The following GRID2 variants were observed in gnomAD, a reference collection of about 807,000 sequenced individuals.
GRID2 encodes the protein glutamate ionotropic receptor delta type subunit 2.
Under a neutral mutation model 114.8 loss-of-function variants are expected in GRID2, and 33 were observed. That is an observed-to-expected ratio of 0.29 (90% CI 0.22 to 0.38). The LOEUF (loss-of-function observed/expected upper bound fraction) is 0.38, where lower values mean the gene tolerates loss of function less well. GRID2 is among the 10% of genes least tolerant of loss of function. The pLI, the probability that GRID2 is intolerant of heterozygous loss-of-function variation, is 1.00. For synonymous variants in GRID2, 505 were observed against 449.9 expected (o/e 1.12, Z -1.55); for missense variants, 1,184 against 1,257.7 (o/e 0.94, Z 0.89).
At chr4:92,937,873 G>A (rs1205887457) in intron 2 of GRID2, among the ~76,000 whole-genome samples, 1 of 146,564 alleles carries the variant, frequency 6.8e-6, no homozygotes, top group African/African-American at 2.4e-5. Context: ...AGAACTTTCA[G>A]TACCAATGTT....
intron 2 of GRID2, among the ~76,000 whole-genome samples, chr4:92,680,688 T>C (rs529652127): frequency 2.0e-5 from 3 of 152,260 alleles, no homozygotes; most frequent in African/African-American, 2.4e-5. Flanking sequence ...GCTGTAGTCA[T>C]GGAAGAATAC....
chr4:92,815,329 G>A (rs991079803), intron 2 of GRID2, among the ~76,000 whole-genome samples: 6 of 152,034 alleles, frequency 3.9e-5, no homozygotes, highest in African/African-American at 1.4e-4. Flanking sequence ...TGTATATAAA[G>A]TCAATATTTG....
At chr4:92,778,197 A>G (rs1184713817) in intron 2 of GRID2, among the ~76,000 whole-genome samples, 9 of 151,996 alleles carry the variant, frequency 5.9e-5, no homozygotes, top group Admixed American at 5.9e-4. Context: ...CAACACCTCA[A>G]AGAGAAATAC....
At chr4:93,337,130 T>C (rs892204359) in intron 8 of GRID2, among the ~76,000 whole-genome samples, 6 of 152,158 alleles carry the variant, frequency 3.9e-5, no homozygotes, top group Admixed American at 6.6e-5. Flanking sequence ...TAAATAAATA[T>C]AGGAAAGAGG....
At chr4:93,332,289 T>TGAGAGA (rs1242670317) in intron 8 of GRID2, among the ~76,000 whole-genome samples, 4 of 110,768 alleles carry the variant, frequency 3.6e-5, no homozygotes, top group South Asian at 3.2e-4. Flanking sequence ...TGTGTGTGTG[T>TGAGAGA]GTGTGTGTGT....
At chr4:92,775,553 C>T (rs529224089) in intron 2 of GRID2, among the ~76,000 whole-genome samples, 27 of 152,142 alleles carry the variant, frequency 1.8e-4, no homozygotes, top group Admixed American at 7.2e-4. Flanking sequence ...ATTTTTGTTC[C>T]TGTTAATTTT....
intron 14 of GRID2, among the ~76,000 whole-genome samples, chr4:93,747,779 T>A (rs935572382): frequency 6.6e-6 from 1 of 151,974 alleles, no homozygotes; most frequent in Non-Finnish European, 1.5e-5. Flanking sequence ...GAAAAATCAA[T>A]GTTGATTTGT....
chr4:92,997,841 A>G (rs1755295148), intron 2 of GRID2, among the ~76,000 whole-genome samples: 1 of 152,168 alleles, frequency 6.6e-6, no homozygotes. Context: ...GTTGAAAAAT[A>G]TCAGAAAATC....
Position 93,370,476 on chromosome 4 carries a change from GACACACACACACACGCAC to G in GRID2, c.1246-25118_1246-25101del, listed in dbSNP as rs555128772. Among the ~76,000 whole-genome samples the G allele has an allele frequency of 4.6e-3, 647 of 139,342 alleles. 4 individuals are homozygous for G. Among genetic ancestry groups the G allele is most frequent in the African/African-American group, 0.016 (618 of 38,526 alleles). The allele number at this position is 139,342 out of a possible 152,430, so 91.4% of individuals were successfully genotyped here. A position where few individuals can be genotyped will look rare whatever the true frequency, so the allele number is the denominator to read the frequency against. ...ACGCACACACAAACACGCACACAGA[GACACACACACACACGCAC>G]ACACACACACACGCACACACAGTTC... On this transcript the variant is annotated intron_variant, in intron 8 of 15. Transcript: ENST00000282020.
chr4:93,769,184 C>T (rs1698371058), intron 14 of GRID2, 26 bp from the exon 15 acceptor site: 3 of 1,611,400 alleles, frequency 1.9e-6, no homozygotes, highest in Non-Finnish European at 2.5e-6. Flanking sequence ...TCTGTAATAA[C>T]ACATGCTTAT....
Position 93,163,592 on chromosome 4 carries a change from A to G in GRID2, c.736-43812A>G, listed in dbSNP as rs1434937284. On this transcript the variant is annotated intron_variant, in intron 4 of 15. Coordinates refer to ENST00000282020, the MANE Select transcript of GRID2 (RefSeq NM_001510.4). Reference sequence around the variant, plus strand: ...TTTTTTTTTTAATAACAAGAAAAAAATTTAGCAGAATTTAAAAAAAGAGAA... The same window carrying G: ...TTTTTTTTTTAATAACAAGAAAAAAGTTTAGCAGAATTTAAAAAAAGAGAA... Among the ~76,000 whole-genome samples, 9 of 150,410 alleles carry G rather than the reference A, an allele frequency of 6.0e-5. No homozygotes were observed. In the East Asian group the frequency reaches 1.6e-3, roughly 26 times the overall value.
intron 8 of GRID2, among the ~76,000 whole-genome samples, chr4:93,254,622 A>G (rs967561340): frequency 2.0e-5 from 3 of 152,082 alleles, no homozygotes; most frequent in African/African-American, 7.2e-5. Context: ...CCAAAATGAG[A>G]TGAGAAATCT....
At chr4:92,639,362 A>G (rs1731234451) in intron 2 of GRID2, among the ~76,000 whole-genome samples, 1 of 151,834 alleles carries the variant, frequency 6.6e-6, no homozygotes, top group African/African-American at 2.4e-5. Flanking sequence ...CAGTTAATAT[A>G]AAAACAAATG....
chr4:92,636,634 T>A (rs1271625632), intron 2 of GRID2, among the ~76,000 whole-genome samples: 1 of 151,966 alleles, frequency 6.6e-6, no homozygotes, highest in African/African-American at 2.4e-5. Context: ...TTCCATTTCG[T>A]CAGACTTCAA....
At chr4:92,946,180 C>A (rs745715460) in intron 2 of GRID2, among the ~76,000 whole-genome samples, 3 of 152,114 alleles carry the variant, frequency 2.0e-5, no homozygotes. Flanking sequence ...TTTGGATATG[C>A]GAATGGATTC....
intron 2 of GRID2, among the ~76,000 whole-genome samples, chr4:93,028,523 A>T (rs1289473572): frequency 6.6e-6 from 1 of 152,162 alleles, no homozygotes; most frequent in Non-Finnish European, 1.5e-5. Context: ...GATTAGGCAG[A>T]TGATGAAACC....
chr4:93,610,846 A>C (rs1390824346), intron 13 of GRID2, among the ~76,000 whole-genome samples: 1 of 130,496 alleles, frequency 7.7e-6, no homozygotes, highest in Non-Finnish European at 1.6e-5. Context: ...GTTAGGGAGG[A>C]TTCCCTCTTT....
At chr4:92,664,832 T>G (rs994476339) in intron 2 of GRID2, among the ~76,000 whole-genome samples, 1 of 151,218 alleles carries the variant, frequency 6.6e-6, no homozygotes, top group Admixed American at 6.6e-5. Context: ...TTTTCTGATT[T>G]TAGTATAGTT....
intron 8 of GRID2, among the ~76,000 whole-genome samples, chr4:93,272,374 C>T (rs1751555251): frequency 1.3e-5 from 2 of 152,186 alleles, no homozygotes; most frequent in Non-Finnish European, 2.9e-5. Context: ...ACCAGAGCTG[C>T]TGTATGTTAT....
Sources: allele counts gnomAD v4.1 joint callset (sites outside exome capture counted in the v4.1 genomes callset), GRCh38; gene constraint gnomAD v4.1.1; transcripts MANE v1.5; gene names NCBI Gene and HGNC (gene_info 2026-07-23, HGNC 2026-07-21).